Variants in TAFA2 observed in about 807,000 individuals in gnomAD.
TAFA2 encodes the protein TAFA chemokine like family member 2.
In TAFA2, 7 loss-of-function variants were observed where a neutral mutation model predicts 18.8. The observed-to-expected ratio is 0.37, with a 90% CI of 0.21 to 0.70. The LOEUF (loss-of-function observed/expected upper bound fraction) is 0.70. Among genes scored for constraint, TAFA2 ranks in the 30% least tolerant of loss-of-function variants. The pLI is 0.53. For missense variants in TAFA2, 122 were observed against 158.1 expected, an observed-to-expected ratio of 0.77 and a Z score of 1.23; for synonymous variants, 60 against 54.2, an observed-to-expected ratio of 1.11 and a Z score of -0.47.
intron 2 of TAFA2, among the ~76,000 whole-genome samples, chr12:61,762,339 G>C (rs967940264): frequency 6.6e-6 from 1 of 151,976 alleles, no homozygotes; most frequent in Admixed American, 6.6e-5. Context: ...AACCTTGAAA[G>C]AGCTTAGCTT....
At chr12:61,861,197 C>A (rs559014956) in intron 2 of TAFA2, among the ~76,000 whole-genome samples, 2 of 151,514 alleles carry the variant, frequency 1.3e-5, no homozygotes, top group Non-Finnish European at 2.9e-5. Flanking sequence ...AGTGATCCAC[C>A]GGCTTCCGCC....
At chr12:62,169,807 C>T (rs544842630) in intron 1 of TAFA2, among the ~76,000 whole-genome samples, 10 of 147,112 alleles carry the variant, frequency 6.8e-5, no homozygotes, top group Middle Eastern at 3.5e-3. Flanking sequence ...GCTGAGATCA[C>T]GCCACTACAC....
intron 1 of TAFA2, among the ~76,000 whole-genome samples, chr12:62,164,521 C>T (rs1003380133): frequency 2.6e-5 from 4 of 152,054 alleles, no homozygotes; most frequent in African/African-American, 9.7e-5. Flanking sequence ...AAGGCTCAGG[C>T]CTTAACACAC....
At chr12:61,742,361 T>G (rs1260362077) in intron 4 of TAFA2, among the ~76,000 whole-genome samples, 2 of 152,132 alleles carry the variant, frequency 1.3e-5, no homozygotes, top group Non-Finnish European at 2.9e-5. Context: ...AAGAACTCAG[T>G]ATTTCTTGTA....
At chr12:62,146,369 G>A (rs1412932524) in intron 1 of TAFA2, among the ~76,000 whole-genome samples, 4 of 143,222 alleles carry the variant, frequency 2.8e-5, no homozygotes, top group Admixed American at 1.5e-4. Flanking sequence ...CTGCAGCCTC[G>A]ACCTCTGAGG....
intron 2 of TAFA2, among the ~76,000 whole-genome samples, chr12:61,765,845 A>G (rs1202243494): frequency 6.6e-6 from 1 of 152,102 alleles, no homozygotes; most frequent in Non-Finnish European, 1.5e-5. Flanking sequence ...CCATTTTGTA[A>G]AAAGGGAACT....
At chr12:61,736,595 C>T (rs996192663) in intron 4 of TAFA2, among the ~76,000 whole-genome samples, 4 of 151,964 alleles carry the variant, frequency 2.6e-5, no homozygotes, top group Admixed American at 2.0e-4. Flanking sequence ...CTAATTGTTA[C>T]TTACAATTGG....
chr12:61,871,540 T>C (rs1874602102), intron 1 of TAFA2, among the ~76,000 whole-genome samples: 1 of 151,926 alleles, frequency 6.6e-6, no homozygotes, highest in African/African-American at 2.4e-5. Flanking sequence ...TAAAGGAAAA[T>C]ACACATAGAG....
At chr12:61,920,204 T>C (rs575728440) in intron 1 of TAFA2, among the ~76,000 whole-genome samples, 1 of 152,300 alleles carries the variant, frequency 6.6e-6, no homozygotes, top group East Asian at 1.9e-4. Flanking sequence ...AAATAAATCA[T>C]AAATAAGTAT....
rs78311119 is a variant in TAFA2, at chr12:61,724,751, A to G, written c.385-14334T>C. On this transcript the variant is annotated intron_variant, in intron 4 of 4. Transcript: ENST00000416284. Reference sequence around the variant, plus strand: ...CTGAGTAGTATTCCATGGTATGTCTATGTGTGTGTGTGTGTGTGTGTGTGT... The same window carrying G: ...CTGAGTAGTATTCCATGGTATGTCTGTGTGTGTGTGTGTGTGTGTGTGTGT... Among the ~76,000 whole-genome samples, 588 of 114,634 alleles carry G rather than the reference A, an allele frequency of 5.1e-3. 1 individual carries two copies. The highest frequency in any genetic ancestry group is 0.014 in the African/African-American group (438 of 31,130). 75.2% of individuals were successfully genotyped at this position (114,634 alleles called of 152,430 possible).
At chr12:61,914,665 T>C (rs1398631831) in intron 1 of TAFA2, among the ~76,000 whole-genome samples, 1 of 152,178 alleles carries the variant, frequency 6.6e-6, no homozygotes, top group African/African-American at 2.4e-5. Flanking sequence ...CATTACGTCC[T>C]CAAAATTGTA....
intron 1 of TAFA2, among the ~76,000 whole-genome samples, chr12:62,112,520 G>A (rs1869780320): frequency 6.6e-6 from 1 of 152,062 alleles, no homozygotes; most frequent in African/African-American, 2.4e-5. Context: ...TTTCTAATTT[G>A]AATGTTGGCC....
chr12:62,010,501 C>G (rs376108923), intron 1 of TAFA2, among the ~76,000 whole-genome samples: 1 of 152,186 alleles, frequency 6.6e-6, no homozygotes, highest in African/African-American at 2.4e-5. Flanking sequence ...GATCTCAGCT[C>G]GCTGCAACCT....
intron 1 of TAFA2, among the ~76,000 whole-genome samples, chr12:61,999,251 T>C (rs1880299364): frequency 6.6e-6 from 1 of 152,210 alleles, no homozygotes; most frequent in Non-Finnish European, 1.5e-5. Flanking sequence ...TCATGTCCCA[T>C]ACGCTTCATG....
At chr12:62,112,128 G>C (rs537749472) in intron 1 of TAFA2, among the ~76,000 whole-genome samples, 1 of 152,250 alleles carries the variant, frequency 6.6e-6, no homozygotes, top group South Asian at 2.1e-4. Flanking sequence ...GCTGGTACCA[G>C]TCTTTCCTTT....
chr12:61,916,082 C>G (rs1472460778), intron 1 of TAFA2, among the ~76,000 whole-genome samples: 2 of 152,186 alleles, frequency 1.3e-5, no homozygotes, highest in Non-Finnish European at 2.9e-5. Flanking sequence ...GATCTTCAGC[C>G]TTTCGTCATA....
At chr12:62,129,800 C>T (rs1246403591) in intron 1 of TAFA2, among the ~76,000 whole-genome samples, 2 of 151,922 alleles carry the variant, frequency 1.3e-5, no homozygotes, top group Non-Finnish European at 2.9e-5. Context: ...ATCCCCAGGA[C>T]AGTCAAAAAT....
chr12:61,916,486 T>G (rs896060636), intron 1 of TAFA2, among the ~76,000 whole-genome samples: 3 of 152,212 alleles, frequency 2.0e-5, no homozygotes, highest in Admixed American at 2.0e-4. Context: ...ATTGTTAATG[T>G]TTTTACTCTC....
At chr12:61,934,866 T>C (rs2121403364) in intron 1 of TAFA2, among the ~76,000 whole-genome samples, 1 of 152,346 alleles carries the variant, frequency 6.6e-6, no homozygotes, top group Non-Finnish European at 1.5e-5. Flanking sequence ...TTTTGCAATA[T>C]TCTCTACTTC....
Sources: gnomAD v4.1 joint callset for allele counts (sites outside exome capture counted in the v4.1 genomes callset) on GRCh38, gnomAD v4.1.1 for gene constraint, MANE v1.5 for transcripts, NCBI Gene and HGNC (gene_info 2026-07-23, HGNC 2026-07-21) for gene names.